The following ZNF99 variants were observed in gnomAD, a reference collection of about 807,000 sequenced individuals.
ZNF99 encodes the protein zinc finger protein 99.
Under a neutral mutation model 12.8 loss-of-function variants are expected in ZNF99, and 8 were observed. The observed-to-expected ratio is 0.62, with a 90% CI of 0.37 to 1.13. The LOEUF (loss-of-function observed/expected upper bound fraction) is 1.13. ZNF99 is among the 50% of genes most tolerant of loss of function. The pLI, the probability that ZNF99 is intolerant of heterozygous loss-of-function variation, is 0.02. For synonymous variants in ZNF99, 318 were observed against 319.0 expected, an observed-to-expected ratio of 1.00 and a Z score of 0.03; for missense variants, 1,007 against 1,006.2, an observed-to-expected ratio of 1.00 and a Z score of -0.01.
chr19:22,758,862 A>G lies in ZNF99; in HGVS notation c.1047T>C (p.Ala349=), dbSNP rs1973113320. ...TTCTAAGGGTTGAGGACTGGCTAAA[A>G]GCTTTGCCACATTCTTCACATTTGT... The part of the protein sequence containing the change: ...KPYKCEECGK[A]FSQSSTLRKH... Residue 349 remains alanine (A), a synonymous_variant, in exon 4 of 4, where the codon GCT becomes GCC. Transcript: ENST00000596209. 8 of 1,613,750 alleles carry G rather than the reference A, an allele frequency of 5.0e-6. No individual in the cohort carries two copies. The highest frequency in any genetic ancestry group is 6.8e-6 in the Non-Finnish European group (8 of 1,179,886).
chr19:22,781,442 A>G (rs1369175747), intron 1 of ZNF99, among the ~76,000 whole-genome samples: 1 of 92,686 alleles, frequency 1.1e-5, no homozygotes, highest in African/African-American at 4.6e-5. Flanking sequence ...TTGGGACACT[A>G]TTTTTGATTT....
chr19:22,771,707 G>A (rs62120124), intron 1 of ZNF99, among the ~76,000 whole-genome samples: 11,926 of 137,730 alleles, frequency 0.087, 518 homozygotes, highest in Middle Eastern at 0.12. Flanking sequence ...AACAACCACA[G>A]GTGAAACTTT....
At chr19:22,772,069 T>C (rs985947642) in intron 1 of ZNF99, among the ~76,000 whole-genome samples, 21 of 151,754 alleles carry the variant, frequency 1.4e-4, no homozygotes, top group Non-Finnish European at 2.4e-4. Flanking sequence ...TGAGGAAACA[T>C]AGATATAAGT....
chr19:22,778,774 G>A (rs1973355374), intron 1 of ZNF99, among the ~76,000 whole-genome samples: 1 of 152,158 alleles, frequency 6.6e-6, no homozygotes, highest in African/African-American at 2.4e-5. Flanking sequence ...GGGAGGCCAA[G>A]GTGGGCGATC....
At chr19:22,777,722 T>C (rs1339198354) in intron 1 of ZNF99, among the ~76,000 whole-genome samples, 1 of 152,120 alleles carries the variant, frequency 6.6e-6, no homozygotes, top group Non-Finnish European at 1.5e-5. Context: ...TGCTGCAGAT[T>C]CAGTGTCTGG....
chr19:22,756,784 C>A lies in ZNF99; in HGVS notation c.*530G>T, dbSNP rs773957124. 1.2e-6 allele frequency: 2 copies of A among 1,611,262 alleles called. No individual in the cohort carries two copies. The highest frequency in any genetic ancestry group is 2.2e-5 in the South Asian group (2 of 90,976). Reference sequence around the variant, plus strand: ...GTTAAAAGCTTTGCCACATTCTTCACATTTGTAGGGTTTCTTTCCAGTATA... The same window carrying A: ...GTTAAAAGCTTTGCCACATTCTTCAAATTTGTAGGGTTTCTTTCCAGTATA... On this transcript the variant is annotated 3_prime_UTR_variant, in exon 4 of 4. Coordinates refer to ENST00000596209, the MANE Select transcript of ZNF99 (RefSeq NM_001080409.3).
At chr19:22,779,448 C>T (rs546612526) in intron 1 of ZNF99, among the ~76,000 whole-genome samples, 66 of 152,168 alleles carry the variant, frequency 4.3e-4, no homozygotes, top group African/African-American at 1.5e-3. Flanking sequence ...AGCTTGAACC[C>T]GGGAGGCGGA....
chr19:22,770,584 T>TGA (rs2145152748), intron 1 of ZNF99: 2 of 152,476 alleles, frequency 1.3e-5, no homozygotes, highest in South Asian at 4.1e-4. Context: ...TTCAAACTCC[T>TGA]GACCTTGTGA....
At chr19:22,783,879 G>T in intron 1 of ZNF99, 135 bp downstream of exon 1, 1 of 1,191,804 alleles carries the variant, frequency 8.4e-7, no homozygotes, top group Non-Finnish European at 1.2e-6. Context: ...AGGAGACTGA[G>T]GCCGAGCTGG....
rs1973024630 is a variant in ZNF99, at chr19:22,754,800, T to C, written c.*2514A>G. 4.9e-6 allele frequency: 1 copy of C among 202,260 alleles called. No homozygotes were observed. Among genetic ancestry groups the C allele is most frequent in the Non-Finnish European group, 1.0e-5 (1 of 99,204 alleles). The allele number at this position is 202,260 out of a possible 1,614,324, so 12.5% of individuals were successfully genotyped here. ...AATTGAAGAATTAGGCTGGGCACGG[T>C]GGCTCACGCCTTTAATCCCAGCACT... On this transcript the variant is annotated 3_prime_UTR_variant, in exon 4 of 4. Transcript: ENST00000596209.
At chr19:22,781,403 CTTTTTTTTT>C (rs35970718) in intron 1 of ZNF99, among the ~76,000 whole-genome samples, 59 of 87,956 alleles carry the variant, frequency 6.7e-4, no homozygotes, top group Non-Finnish European at 8.7e-4. Context: ...ATTGGGGTCA[CTTTTTTTTT>C]TTTTTTTTTT....
intron 3 of ZNF99, among the ~76,000 whole-genome samples, chr19:22,760,775 A>G (rs1973142217): frequency 6.6e-6 from 1 of 152,050 alleles, no homozygotes; most frequent in South Asian, 2.1e-4. Flanking sequence ...ATAAAATGGC[A>G]GCTTGAATCT....
chr19:22,755,534 TAA>T lies in ZNF99; in HGVS notation c.*1778_*1779del. ...AGCTTTGCCACATTCTTCACATTTGTAAAGTATCTCTCCAGTATGAATTATCT... is the reference window on the plus strand; with the variant it reads ...AGCTTTGCCACATTCTTCACATTTGTAGTATCTCTCCAGTATGAATTATCT... On this transcript the variant is annotated 3_prime_UTR_variant, in exon 4 of 4. Transcript: ENST00000596209. The T allele has an allele frequency of 3.3e-6, 1 of 306,346 alleles. No individual in the cohort carries two copies. Among genetic ancestry groups the T allele is most frequent in the Admixed American group, 4.1e-5 (1 of 24,466 alleles). 19.0% of individuals were successfully genotyped at this position (306,346 alleles called of 1,614,324 possible). A position where few individuals can be genotyped will look rare whatever the true frequency, so the allele number is the denominator to read the frequency against.
rs1265195838 is a variant in ZNF99, at chr19:22,758,721, G to C, written c.1188C>G (p.Pro396=). ...KHEIIHTGQK[P]YKCEECGKAF... is the part of the protein sequence containing the mutation. ...CTTTACCACATTCTTCACATTTGTA[G>C]GGTTTCTGTCCAGTATGAATTATCT... Residue 396 remains proline (P), a synonymous_variant, in exon 4 of 4, where the codon CCC becomes CCG. Transcript: ENST00000596209. 6.2e-7 allele frequency: 1 copy of C among 1,613,454 alleles called. No individual in the cohort carries two copies.
At chr19:22,769,972 CA>C in intron 1 of ZNF99, 2 of 1,359,630 alleles carry the variant, frequency 1.5e-6, no homozygotes, top group Admixed American at 2.0e-5. Flanking sequence ...TTTTTCAGAC[CA>C]AAAAGACATG....
rs1211031269 is a variant in ZNF99, at chr19:22,753,542, T to A, written c.*3772A>T. 6.6e-6 allele frequency: 1 copy of A among 152,184 alleles called. No individual in the cohort carries two copies. Among genetic ancestry groups the A allele is most frequent in the South Asian group, 2.1e-4 (1 of 4,836 alleles). 9.4% of individuals were successfully genotyped at this position (152,184 alleles called of 1,614,324 possible). ...TGATATTGAACAAAGTTTGAGCAAC[T>A]TTAGGGTTTTTCTCTAGCACAAAAT... On this transcript the variant is annotated 3_prime_UTR_variant, in exon 4 of 4. Coordinates refer to ENST00000596209, the MANE Select transcript of ZNF99 (RefSeq NM_001080409.3).
Position 22,752,480 on chromosome 19 carries a change from A to G in ZNF99, c.*4834T>C, listed in dbSNP as rs1006120006. Reference sequence around the variant, plus strand: ...TAAGTTTAAATTTGTCAAGGCAAAAAAAAAAAGAAGTTTAAATAAGATTAA... The same window carrying G: ...TAAGTTTAAATTTGTCAAGGCAAAAGAAAAAAGAAGTTTAAATAAGATTAA... On this transcript the variant is annotated 3_prime_UTR_variant, in exon 4 of 4. Coordinates refer to ENST00000596209, the MANE Select transcript of ZNF99 (RefSeq NM_001080409.3). The G allele has an allele frequency of 2.0e-5, 3 of 152,118 alleles. No homozygotes were observed. Among genetic ancestry groups the G allele is most frequent in the Admixed American group, 6.5e-5 (1 of 15,278 alleles). 9.4% of individuals were successfully genotyped at this position (152,118 alleles called of 1,614,324 possible).
At chr19:22,774,291 C>T (rs747641057) in intron 1 of ZNF99, 6 of 152,832 alleles carry the variant, frequency 3.9e-5, no homozygotes, top group Non-Finnish European at 8.8e-5. Flanking sequence ...ATGAGCATTA[C>T]GAAGAAAAGG....
Position 22,759,696 on chromosome 19 carries a change from AAAT to A in ZNF99, c.227-17_227-15del. On this transcript the variant is annotated splice_polypyrimidine_tract_variant and intron_variant, in intron 3 of 3. Transcript: ENST00000596209. ...GAGAACTAATAACTGGAAGAAATGAAAATAATAAATTATGTCACTTGCTAGACT... is the reference window on the plus strand; with the variant it reads ...GAGAACTAATAACTGGAAGAAATGAAAATAAATTATGTCACTTGCTAGACT... 6.7e-7 allele frequency: 1 copy of A among 1,484,320 alleles called. No individual in the cohort carries two copies. The allele number at this position is 1,484,320 out of a possible 1,614,324, so 91.9% of individuals were successfully genotyped here. A position where few individuals can be genotyped will look rare whatever the true frequency, so the allele number is the denominator to read the frequency against.
Sources: allele counts gnomAD v4.1 joint callset (sites outside exome capture counted in the v4.1 genomes callset), GRCh38; gene constraint gnomAD v4.1.1; transcripts MANE v1.5; gene names NCBI Gene and HGNC (gene_info 2026-07-23, HGNC 2026-07-21).